The following IFIT5 variants were observed in gnomAD, a reference collection of about 807,000 sequenced individuals.
IFIT5 encodes the protein interferon induced protein with tetratricopeptide repeats 5.
In IFIT5, 2 loss-of-function variants were observed where a neutral mutation model predicts 5.0. The observed-to-expected ratio is 0.40, with a 90% CI of 0.16 to 1.26. The LOEUF (loss-of-function observed/expected upper bound fraction) is 1.26. Among genes scored for constraint, IFIT5 ranks in the 50% most tolerant of loss-of-function variants. The pLI is 0.33. For missense variants in IFIT5, 524 were observed against 563.2 expected, an observed-to-expected ratio of 0.93 and a Z score of 0.70; for synonymous variants, 206 against 204.6, an observed-to-expected ratio of 1.01 and a Z score of -0.06.
In IFIT5 at chr10:89,417,986, A is replaced by G; in HGVS notation, c.787A>G (p.Asn263Asp). 1 of 1,614,168 alleles carries G rather than the reference A, an allele frequency of 6.2e-7. No homozygotes were observed. Among genetic ancestry groups the G allele is most frequent in the Non-Finnish European group, 8.5e-7 (1 of 1,180,034 alleles). ...TGCAGCCAAGTTCTATAGGAGAAAA[A>G]ATTCCTGGAACAAAGCTCTCGAACT... Reference protein sequence around the residue: ...RYAAKFYRRKNSWNKALELLK... With the variant: ...RYAAKFYRRKDSWNKALELLK... Residue 263 changes from asparagine (N) to aspartate (D), a missense_variant, in exon 2 of 2, where the codon AAT becomes GAT. Transcript: ENST00000371795.
Position 89,417,871 on chromosome 10 carries a change from G to A in IFIT5, c.672G>A (p.Lys224=), listed in dbSNP as rs751483932. The part of the protein sequence containing the change: ...NSYIKVFLAL[K]LQDVHAEAEG... ...ATATTAAGGTTTTTCTGGCACTGAA[G>A]CTTCAAGATGTACATGCAGAAGCTG... is the stretch of plus-strand genomic sequence containing the variant. Residue 224 remains lysine, a synonymous_variant, in exon 2 of 2, where the codon AAG becomes AAA. Coordinates refer to ENST00000371795, the MANE Select transcript of IFIT5 (RefSeq NM_012420.3). 6.9e-5 allele frequency: 111 copies of A among 1,614,078 alleles called. No individual in the cohort carries two copies. The highest frequency in any genetic ancestry group is 9.2e-5 in the Non-Finnish European group (109 of 1,180,042).
rs374025481 is a variant in IFIT5 at position 89,414,766 on chromosome 10, C to A, written c.-33C>A. 2.5e-6 allele frequency: 4 copies of A among 1,605,988 alleles called. No individual in the cohort carries two copies. The African/African-American group carries it at 4.1e-5, about 16-fold the overall frequency. ...GAGGAGAGAGCGATCCGAGGGACTG[C>A]GCCGCCCGGACGGCCTGCAGAGCGC... On this transcript the variant is annotated 5_prime_UTR_variant, in exon 1 of 2. Transcript: ENST00000371795.
Position 89,417,680 on chromosome 10 carries a change from G to C in IFIT5, c.481G>C (p.Ala161Pro), listed in dbSNP as rs1008557916. The C allele has an allele frequency of 4.3e-6, 7 of 1,614,194 alleles. No homozygotes were observed. The highest frequency in any genetic ancestry group is 5.9e-6 in the Non-Finnish European group (7 of 1,180,032). The change falls in exon 2 of 2, where the codon GCG (alanine) becomes CCG (proline). Residue 161 changes from alanine (A) to proline (P), a missense_variant. Ala to Pro is a conservative substitution (Grantham distance 27, BLOSUM62 -1). Coordinates refer to ENST00000371795, the MANE Select transcript of IFIT5 (RefSeq NM_012420.3). ...AGGAAAGTATTATCAAAAGGCTAAA[G>C]CGGCTTTTGAGAAGGCTCTGGAAGT... ...FGGKYYQKAK[A>P]AFEKALEVEP...
At position 89,418,522 on chromosome 10, in the gene IFIT5, A is replaced by G. The variant is rs1278117346; in HGVS notation, c.1323A>G (p.Leu441=). 47 of 1,614,200 alleles carry G rather than the reference A, an allele frequency of 2.9e-5. No individual in the cohort carries two copies. The highest frequency in any genetic ancestry group is 3.9e-5 in the Non-Finnish European group (46 of 1,180,020). Residue 441 remains leucine (L), a synonymous_variant, in exon 2 of 2, where the codon CTA becomes CTG. Coordinates refer to ENST00000371795, the MANE Select transcript of IFIT5 (RefSeq NM_012420.3). ...NALDVQSLSA[L]GFVYKLEGEK... is the part of the protein sequence containing the mutation. Reference sequence around the variant, plus strand: ...TAGATGTGCAGAGTTTAAGTGCCCTAGGGTTTGTTTACAAGCTGGAAGGAG... The same window carrying G: ...TAGATGTGCAGAGTTTAAGTGCCCTGGGGTTTGTTTACAAGCTGGAAGGAG...
intron 1 of IFIT5, among the ~76,000 whole-genome samples, 170 bp downstream of exon 1, chr10:89,414,973 G>A (rs1443133399): frequency 1.3e-5 from 2 of 152,150 alleles, no homozygotes; most frequent in Non-Finnish European, 2.9e-5. Context: ...GCTCTGTCCC[G>A]GCGCGCGGCG....
At chr10:89,414,883 G>A (rs1841515838) in intron 1 of IFIT5, 80 bp downstream of exon 1, 2 of 1,537,260 alleles carry the variant, frequency 1.3e-6, no homozygotes, top group African/African-American at 1.4e-5. Context: ...TTCATTTCCA[G>A]CGCAGTTCTG....
Position 89,418,292 on chromosome 10 carries a change from C to T in IFIT5, c.1093C>T (p.Leu365Phe). 1 of 1,614,212 alleles carries T rather than the reference C, an allele frequency of 6.2e-7. No individual in the cohort carries two copies. The highest frequency in any genetic ancestry group is 8.5e-7 in the Non-Finnish European group (1 of 1,180,038). ...SNAEDIFRKALRLENITDDHK... is the reference protein window; with the variant it reads ...SNAEDIFRKAFRLENITDDHK... ...TGCTGAGGACATTTTCCGGAAAGCT[C>T]TTCGTCTGGAGAACATAACCGATGA... Residue 365 changes from leucine (L) to phenylalanine (F), a missense_variant, in exon 2 of 2, where the codon CTT becomes TTT. Transcript: ENST00000371795.
In IFIT5 at chr10:89,417,422, G is replaced by C; in HGVS notation, c.223G>C (p.Glu75Gln). Residue 75 changes from glutamate to glutamine, a missense_variant, in exon 2 of 2, where the codon GAA becomes CAA. Coordinates refer to ENST00000371795, the MANE Select transcript of IFIT5 (RefSeq NM_012420.3). ...AAATAAAGACGCCCTTGAGTGCTTG[G>C]AACAAGCAGAAGAAATAATCCAGCA... The part of the protein sequence containing the change: ...GQNKDALECL[E>Q]QAEEIIQQEH... 1 of 1,614,138 alleles carries C rather than the reference G, an allele frequency of 6.2e-7. No individual in the cohort carries two copies. Among genetic ancestry groups the C allele is most frequent in the Non-Finnish European group, 8.5e-7 (1 of 1,180,012 alleles).
rs533404513 is a variant in IFIT5, at chr10:89,414,734, C to T, written c.-65C>T. On this transcript the variant is annotated 5_prime_UTR_variant, in exon 1 of 2. Transcript: ENST00000371795. ...CCACCGCGCGGCTTCCCGCGGTCCC[C>T]GGTGCTGAGGAGAGAGCGATCCGAG... 2.6e-6 allele frequency: 4 copies of T among 1,568,318 alleles called. No individual in the cohort carries two copies. Among genetic ancestry groups the T allele is most frequent in the Admixed American group, 1.9e-5 (1 of 53,176 alleles).
Position 89,417,914 on chromosome 10 carries a change from G to T in IFIT5, c.715G>T (p.Glu239Ter). The part of the protein sequence containing the change: ...HAEAEGEKYI[E>*]EILDQISSQP... ...AGAAGCTGAAGGGGAAAAGTATATT[G>T]AAGAAATCCTGGACCAAATATCATC... is the stretch of plus-strand genomic sequence containing the variant. Residue 239 changes from glutamate to a stop codon, truncating the protein, a stop_gained, in exon 2 of 2, where the codon GAA (glutamate) becomes TAA (stop). Transcript: ENST00000371795. LOFTEE classifies it low-confidence loss of function (END_TRUNC). 1.9e-6 allele frequency: 3 copies of T among 1,614,150 alleles called. No individual in the cohort carries two copies. The South Asian group carries it at 3.3e-5, about 18-fold the overall frequency.
At position 89,418,022 on chromosome 10, in the gene IFIT5, G is replaced by T. The variant is rs1333288873; in HGVS notation, c.823G>T (p.Ala275Ser). The change falls in exon 2 of 2, where the codon GCC becomes TCC. Residue 275 changes from alanine (A) to serine (S), a missense_variant. By Grantham distance (99) the Ala-to-Ser change is moderately conservative. Coordinates refer to ENST00000371795, the MANE Select transcript of IFIT5 (RefSeq NM_012420.3). ...CAAAGCTCTCGAACTTTTAAAAAAG[G>T]CCTTGGAGGTGACACCAACTTCTTC... ...WNKALELLKK[A>S]LEVTPTSSFL... 3 of 1,614,174 alleles carry T rather than the reference G, an allele frequency of 1.9e-6. No homozygotes were observed. The highest frequency in any genetic ancestry group is 2.5e-6 in the Non-Finnish European group (3 of 1,180,034).
Position 89,417,336 on chromosome 10 carries a change from C to G in IFIT5, c.137C>G (p.Thr46Ser). ...ATTGGGCAACAGCTTGAATTTCTTACCACAAAATCTAGACTTGCTCTTTAT... is the reference window on the plus strand; with the variant it reads ...ATTGGGCAACAGCTTGAATTTCTTAGCACAAAATCTAGACTTGCTCTTTAT... Reference protein sequence around the residue: ...DTIGQQLEFLTTKSRLALYNL... With the variant: ...DTIGQQLEFLSTKSRLALYNL... Residue 46 changes from threonine (T) to serine (S), a missense_variant, in exon 2 of 2, where the codon ACC (threonine) becomes AGC (serine). Transcript: ENST00000371795. The G allele has an allele frequency of 1.2e-6, 2 of 1,614,136 alleles. No individual in the cohort carries two copies. Among genetic ancestry groups the G allele is most frequent in the Non-Finnish European group, 1.7e-6 (2 of 1,180,022 alleles).
chr10:89,418,284 G>T lies in IFIT5; in HGVS notation c.1085G>T (p.Arg362Leu), dbSNP rs781378982. The T allele has an allele frequency of 6.2e-7, 1 of 1,614,174 alleles. No individual in the cohort carries two copies. The change falls in exon 2 of 2, where the codon CGG becomes CTG. Residue 362 changes from arginine to leucine, a missense_variant. Arg to Leu is a moderately radical substitution (Grantham distance 102). Transcript: ENST00000371795. ...GQYSNAEDIFRKALRLENITD... is the reference protein window; with the variant it reads ...GQYSNAEDIFLKALRLENITD... ...TATAGCAATGCTGAGGACATTTTCC[G>T]GAAAGCTCTTCGTCTGGAGAACATA...
chr10:89,414,617 C>A lies in IFIT5; in HGVS notation c.-182C>A, dbSNP rs764808944. 4 of 519,412 alleles carry A rather than the reference C, an allele frequency of 7.7e-6. No homozygotes were observed. Among genetic ancestry groups the A allele is most frequent in the Non-Finnish European group, 1.3e-5 (4 of 306,926 alleles). The allele number at this position is 519,412 out of a possible 1,614,324, so 32.2% of individuals were successfully genotyped here. A position where few individuals can be genotyped will look rare whatever the true frequency, so the allele number is the denominator to read the frequency against. On this transcript the variant is annotated 5_prime_UTR_variant, in exon 1 of 2. In the 5' UTR this introduces an upstream ATG that the reference lacks. Transcript: ENST00000371795. ...TTCAATCTCCAGTTTCCTGTTCTTG[C>A]TGGGGCTGGGGTCTCTCCTTTAACA...
rs1414477985 is a variant in IFIT5 at position 89,420,381 on chromosome 10, G to A, written c.*1733G>A. The A allele has an allele frequency of 6.6e-6, 1 of 152,286 alleles. No individual in the cohort carries two copies. Among genetic ancestry groups the A allele is most frequent in the South Asian group, 2.1e-4 (1 of 4,822 alleles). The allele number at this position is 152,286 out of a possible 1,614,324, so 9.4% of individuals were successfully genotyped here. A position where few individuals can be genotyped will look rare whatever the true frequency, so the allele number is the denominator to read the frequency against. On this transcript the variant is annotated 3_prime_UTR_variant, in exon 2 of 2. Coordinates refer to ENST00000371795, the MANE Select transcript of IFIT5 (RefSeq NM_012420.3). Reference sequence around the variant, plus strand: ...CTTTCAGATATTTTAGGATATTCTAGCAAAGCAGGCCATTTCTCCCACCTG... The same window carrying A: ...CTTTCAGATATTTTAGGATATTCTAACAAAGCAGGCCATTTCTCCCACCTG...
At chr10:89,415,621 G>C (rs544712188) in intron 1 of IFIT5, among the ~76,000 whole-genome samples, 59 of 152,306 alleles carry the variant, frequency 3.9e-4, no homozygotes, top group Middle Eastern at 6.8e-3. Flanking sequence ...CCCTGCACGT[G>C]GTTAGTGAAC....
chr10:89,415,609 C>T (rs1478561345), intron 1 of IFIT5, among the ~76,000 whole-genome samples: 1 of 152,188 alleles, frequency 6.6e-6, no homozygotes, highest in African/African-American at 2.4e-5. Flanking sequence ...GCTAGCACCC[C>T]GCCCTGCACG....
chr10:89,418,706 T>C lies in IFIT5; in HGVS notation c.*58T>C. On this transcript the variant is annotated 3_prime_UTR_variant, in exon 2 of 2. Coordinates refer to ENST00000371795, the MANE Select transcript of IFIT5 (RefSeq NM_012420.3). ...TCCCTTCATTTTGGGTTCTCCTGTTTGTTTTTTTTTTATTATTTTAATCCC... is the reference window on the plus strand; with the variant it reads ...TCCCTTCATTTTGGGTTCTCCTGTTCGTTTTTTTTTTATTATTTTAATCCC... The C allele has an allele frequency of 1.3e-6, 2 of 1,491,880 alleles. No homozygotes were observed. The highest frequency in any genetic ancestry group is 1.4e-5 in the South Asian group (1 of 73,012). The allele number at this position is 1,491,880 out of a possible 1,614,324, so 92.4% of individuals were successfully genotyped here.
In IFIT5 at chr10:89,418,077, A is replaced by G. The variant is rs754532465; in HGVS notation, c.878A>G (p.Tyr293Cys). The change falls in exon 2 of 2, where the codon TAC (tyrosine) becomes TGC (cysteine). Residue 293 changes from tyrosine to cysteine, a missense_variant. Transcript: ENST00000371795. ...SFLHHQMGLC[Y>C]RAQMIQIKKA... ...CTGCATCACCAGATGGGACTTTGCT[A>G]CAGGGCACAAATGATCCAAATCAAG... 5.0e-6 allele frequency: 8 copies of G among 1,614,216 alleles called. No individual in the cohort carries two copies. Among genetic ancestry groups the G allele is most frequent in the Non-Finnish European group, 5.9e-6 (7 of 1,180,032 alleles).
Sources: gnomAD v4.1 joint callset for allele counts (sites outside exome capture counted in the v4.1 genomes callset) on GRCh38, gnomAD v4.1.1 for gene constraint, MANE v1.5 for transcripts, NCBI Gene and HGNC (gene_info 2026-07-23, HGNC 2026-07-21) for gene names.